The following NRG1 variants were observed in gnomAD, a reference collection of about 807,000 sequenced individuals.
The protein encoded by NRG1 is neuregulin 1, also known as pro-neuregulin-1, membrane-bound isoform.
A neutral mutation model predicts 63.8 loss-of-function variants in NRG1; 18 were observed. The observed-to-expected ratio is 0.28, with a 90% CI of 0.19 to 0.42. The LOEUF is 0.42. Ranked by LOEUF, NRG1 falls within the 10% of genes least tolerant of loss-of-function variation. NRG1 has a pLI of 1.00. For missense variants in NRG1, 762 were observed against 814.7 expected (o/e 0.94, Z 0.79); for synonymous variants, 302 against 301.3 (o/e 1.00, Z -0.02).
intron 1 of NRG1, among the ~76,000 whole-genome samples, chr8:31,803,777 T>A (rs1326130687): frequency 6.6e-6 from 1 of 152,236 alleles, no homozygotes; most frequent in Non-Finnish European, 1.5e-5. Flanking sequence ...AGGGTCTACT[T>A]GATCAGTGTA....
At chr8:31,859,707 CA>C (rs1380688024) in intron 1 of NRG1, among the ~76,000 whole-genome samples, 1 of 152,152 alleles carries the variant, frequency 6.6e-6, no homozygotes, top group Admixed American at 6.5e-5. Flanking sequence ...GCTACAAAAG[CA>C]AAGTGGTTCC....
chr8:32,147,449 T>C (rs147113956), intron 1 of NRG1, among the ~76,000 whole-genome samples: 305 of 152,342 alleles, frequency 2.0e-3, no homozygotes, highest in African/African-American at 6.9e-3. Flanking sequence ...AATGTATAGG[T>C]GTATTGATTG....
At chr8:32,548,095 C>G (rs891982930), upstream of NRG1, 6 of 554,330 alleles carry the variant, frequency 1.1e-5, no homozygotes, top group South Asian at 3.8e-4. Context: ...CGCCACCCCC[C>G]GCCCGGCCAG....
intron 5 of NRG1, among the ~76,000 whole-genome samples, chr8:32,656,629 G>C (rs750348607): frequency 1.1e-4 from 16 of 152,146 alleles, no homozygotes; most frequent in Non-Finnish European, 2.1e-4. Flanking sequence ...AAATATGTGA[G>C]ATCCTTTGTT....
At chr8:32,568,646 G>A (rs1460526283) in intron 1 of NRG1, among the ~76,000 whole-genome samples, 1 of 152,272 alleles carries the variant, frequency 6.6e-6, no homozygotes, top group African/African-American at 2.4e-5. Context: ...CCGGGATAGG[G>A]CCCGGCATCC....
intron 1 of NRG1, among the ~76,000 whole-genome samples, chr8:32,490,538 C>A (rs1293690126): frequency 6.6e-6 from 1 of 152,080 alleles, no homozygotes; most frequent in Non-Finnish European, 1.5e-5. Flanking sequence ...TGTTTCAGTA[C>A]TCAGTAGCTA....
At chr8:32,749,813 TA>T (rs1189851261) in intron 7 of NRG1, 1 of 574,670 alleles carries the variant, frequency 1.7e-6, no homozygotes, top group African/African-American at 1.9e-5. Flanking sequence ...ACTTAGAGTT[TA>T]AAAGTACCCT....
chr8:32,562,786 G>A (rs114157948), intron 1 of NRG1, among the ~76,000 whole-genome samples: 2,747 of 152,258 alleles, frequency 0.018, 81 homozygotes, highest in African/African-American at 0.061. Context: ...GGCATGGAAA[G>A]GCACTGTTCT....
chr8:32,217,470 C>G (rs887522212), intron 1 of NRG1, among the ~76,000 whole-genome samples: 1 of 152,054 alleles, frequency 6.6e-6, no homozygotes, highest in African/African-American at 2.4e-5. Context: ...TCCAACCTCC[C>G]CTGGAAGAGT....
intron 1 of NRG1, among the ~76,000 whole-genome samples, chr8:31,664,867 T>C (rs1169574486): frequency 6.6e-6 from 1 of 152,214 alleles, no homozygotes; most frequent in Non-Finnish European, 1.5e-5. Flanking sequence ...ATGGAAAGCA[T>C]GATCAGTGAC....
intron 1 of NRG1, among the ~76,000 whole-genome samples, chr8:31,921,753 C>T (rs1428710270): frequency 6.6e-6 from 1 of 152,128 alleles, no homozygotes; most frequent in Non-Finnish European, 1.5e-5. Context: ...ATGTTGAGCA[C>T]TAAAATATGA....
rs188268015 is a variant in NRG1, at chr8:32,032,336, T to C, written c.37+392905T>C. Reference sequence around the variant, plus strand: ...AGTGGTGCAGTGGCACCATCTTAGCTCACCGCAATCTCCACCTTCCAGCTT... The same window carrying C: ...AGTGGTGCAGTGGCACCATCTTAGCCCACCGCAATCTCCACCTTCCAGCTT... On this transcript the variant is annotated intron_variant, in intron 1 of 10. Transcript: ENST00000519301. 7.5e-4 allele frequency among the ~76,000 whole-genome samples: 114 copies of C among 152,152 alleles called. 1 individual carries two copies. The highest frequency in any genetic ancestry group is 2.1e-4 in the Non-Finnish European group (14 of 67,986).
Position 31,737,700 on chromosome 8 carries a change from C to A in NRG1, c.37+98269C>A, listed in dbSNP as rs924655994. On this transcript the variant is annotated intron_variant, in intron 1 of 10. Transcript: ENST00000519301. ...ATAATGTAAATAACTTGGATGGGAG[C>A]AGGCTGTATGCTTTAGGTCAATTAG... 3.3e-5 allele frequency among the ~76,000 whole-genome samples: 5 copies of A among 152,136 alleles called. No homozygotes were observed. In the South Asian group the frequency reaches 1.0e-3, roughly 32 times the overall value.
chr8:32,129,713 G>T (rs1221134563), intron 1 of NRG1, among the ~76,000 whole-genome samples: 1 of 151,868 alleles, frequency 6.6e-6, no homozygotes, highest in Non-Finnish European at 1.5e-5. Context: ...AGCTTCCCCA[G>T]ATCACGATAA....
At chr8:32,338,800 T>C (rs1803667156) in intron 1 of NRG1, among the ~76,000 whole-genome samples, 1 of 152,210 alleles carries the variant, frequency 6.6e-6, no homozygotes, top group Non-Finnish European at 1.5e-5. Flanking sequence ...CATGCCTAGG[T>C]ATCCACTCTG....
chr8:31,981,395 G>C (rs1054584122), intron 1 of NRG1, among the ~76,000 whole-genome samples: 2 of 151,948 alleles, frequency 1.3e-5, no homozygotes, highest in African/African-American at 4.8e-5. Context: ...ACGCTCCTGA[G>C]TGGCCATCTT....
intron 1 of NRG1, among the ~76,000 whole-genome samples, chr8:32,274,326 A>C (rs969822703): frequency 2.6e-5 from 4 of 152,190 alleles, no homozygotes; most frequent in Non-Finnish European, 5.9e-5. Flanking sequence ...CGTCCTCCAC[A>C]CACCAATGCT....
chr8:32,504,634 ATTATT>A (rs1277822602), intron 1 of NRG1, among the ~76,000 whole-genome samples: 1 of 152,152 alleles, frequency 6.6e-6, no homozygotes, highest in Non-Finnish European at 1.5e-5. Flanking sequence ...ACAGATAGAG[ATTATT>A]TTAAGATTTT....
intron 1 of NRG1, among the ~76,000 whole-genome samples, chr8:32,536,084 A>G (rs183145260): frequency 6.6e-6 from 1 of 152,222 alleles, no homozygotes; most frequent in South Asian, 2.1e-4. Context: ...CAATCTTAGC[A>G]TCTGGAAACA....
Sources: allele counts gnomAD v4.1 joint callset (sites outside exome capture counted in the v4.1 genomes callset), GRCh38; gene constraint gnomAD v4.1.1; transcripts MANE v1.5; gene names NCBI Gene and HGNC (gene_info 2026-07-23, HGNC 2026-07-21).